Variants in ENOX1 observed in about 807,000 individuals in gnomAD.
ENOX1 encodes the protein candidate growth-related and time keeping constitutive hydroquinone (NADH) oxidase.
A neutral mutation model predicts 82.5 loss-of-function variants in ENOX1; 42 were observed. The ratio of observed to expected loss-of-function variants is 0.51; its 90% CI spans 0.40 to 0.66. The LOEUF is 0.66. ENOX1 is among the 30% of genes least tolerant of loss of function. The probability of loss-of-function intolerance (pLI) is 0.00; values close to 1 mark genes in which losing one functional copy is unlikely to be tolerated. For synonymous variants in ENOX1, 271 were observed against 282.2 expected (o/e 0.96, Z 0.40); for missense variants, 608 against 811.6 (o/e 0.75, Z 3.05).
At chr13:43,410,113 T>C (rs1308581376) in intron 5 of ENOX1, among the ~76,000 whole-genome samples, 1 of 152,200 alleles carries the variant, frequency 6.6e-6, no homozygotes, top group Admixed American at 6.5e-5. Flanking sequence ...TGGTCATGGT[T>C]AAAACGTCAG....
intron 2 of ENOX1, among the ~76,000 whole-genome samples, chr13:43,633,067 G>A (rs2153751605): frequency 6.6e-6 from 1 of 152,206 alleles, no homozygotes; most frequent in African/African-American, 2.4e-5. Flanking sequence ...GACAATTCAA[G>A]TTTCAAAATT....
chr13:43,294,625 G>A (rs767842915), intron 12 of ENOX1, among the ~76,000 whole-genome samples: 5 of 152,094 alleles, frequency 3.3e-5, no homozygotes, highest in Non-Finnish European at 7.4e-5. Context: ...CACATTCCTA[G>A]GATTTACTCA....
chr13:43,283,040 G>A (rs896753782), intron 12 of ENOX1, among the ~76,000 whole-genome samples: 3 of 151,618 alleles, frequency 2.0e-5, no homozygotes, highest in African/African-American at 4.8e-5. Context: ...CCGAGATCAC[G>A]CCACTGCATT....
intron 2 of ENOX1, among the ~76,000 whole-genome samples, chr13:43,644,112 A>T (rs2153770551): frequency 6.6e-6 from 1 of 152,260 alleles, no homozygotes; most frequent in African/African-American, 2.4e-5. Flanking sequence ...TCAGTTCCCG[A>T]TTTCCCATAA....
chr13:43,758,418 C>T (rs745699337), intron 1 of ENOX1, among the ~76,000 whole-genome samples: 4 of 152,026 alleles, frequency 2.6e-5, no homozygotes, highest in South Asian at 2.1e-4. Context: ...ACATTCTTGA[C>T]ATGACAAAAT....
intron 14 of ENOX1, among the ~76,000 whole-genome samples, chr13:43,251,415 T>C (rs2043448272): frequency 6.6e-6 from 1 of 152,208 alleles, no homozygotes; most frequent in South Asian, 2.1e-4. Context: ...TCGATGAGTG[T>C]TACTAATGTA....
intron 3 of ENOX1, among the ~76,000 whole-genome samples, chr13:43,422,265 A>G (rs911259256): frequency 6.6e-6 from 1 of 152,184 alleles, no homozygotes; most frequent in Non-Finnish European, 1.5e-5. Flanking sequence ...TCCTTTTGTG[A>G]GACTTCTTGC....
chr13:43,280,645 T>C (rs1415307796), intron 12 of ENOX1, among the ~76,000 whole-genome samples: 1 of 152,256 alleles, frequency 6.6e-6, no homozygotes, highest in Non-Finnish European at 1.5e-5. Flanking sequence ...TGGAAAACTT[T>C]ATTATGGATT....
chr13:43,590,958 T>C (rs570700701), intron 2 of ENOX1, among the ~76,000 whole-genome samples: 2 of 152,308 alleles, frequency 1.3e-5, no homozygotes, highest in South Asian at 4.1e-4. Flanking sequence ...GGAGGTATCA[T>C]TTGATACTCA....
intron 1 of ENOX1, among the ~76,000 whole-genome samples, chr13:43,719,302 TAC>T (rs3024232): frequency 0.045 from 5,733 of 126,656 alleles, 202 homozygotes; most frequent in East Asian, 0.18. Context: ...TTCATTCAAA[TAC>T]ACACACACAC....
chr13:43,628,292 A>G (rs1027044278), intron 2 of ENOX1, among the ~76,000 whole-genome samples: 3 of 152,010 alleles, frequency 2.0e-5, no homozygotes, highest in African/African-American at 7.2e-5. Context: ...TTATTTGCTT[A>G]TCATTATTCT....
chr13:43,360,540 C>A (rs2050434141), intron 6 of ENOX1, among the ~76,000 whole-genome samples: 1 of 152,046 alleles, frequency 6.6e-6, no homozygotes, highest in Non-Finnish European at 1.5e-5. Flanking sequence ...CTGAAAAAAA[C>A]CACTTTGTTA....
intron 2 of ENOX1, among the ~76,000 whole-genome samples, chr13:43,565,910 C>T (rs549142373): frequency 2.0e-5 from 3 of 152,260 alleles, no homozygotes; most frequent in African/African-American, 7.2e-5. Flanking sequence ...AACAGATCCA[C>T]TGATGGATAG....
rs75785636 is a variant in ENOX1 at position 43,364,012 on chromosome 13, T to G, written c.209-2560A>C. Among the ~76,000 whole-genome samples, 1,222 of 152,270 alleles carry G rather than the reference T, an allele frequency of 8.0e-3. 9 individuals carry two copies. Among genetic ancestry groups the G allele is most frequent in the Non-Finnish European group, 0.012 (832 of 68,022 alleles). On this transcript the variant is annotated intron_variant, in intron 5 of 16. Transcript: ENST00000690772. ...AAAGGAATTAACACGTAAATTATGTTGGACCTGAAAGGATTGGAGATTCAG... is the reference window on the plus strand; with the variant it reads ...AAAGGAATTAACACGTAAATTATGTGGGACCTGAAAGGATTGGAGATTCAG...
chr13:43,754,254 T>C (rs1032099329), intron 1 of ENOX1, among the ~76,000 whole-genome samples: 2 of 145,676 alleles, frequency 1.4e-5, no homozygotes, highest in African/African-American at 5.2e-5. Context: ...TATACACATA[T>C]ATACATATAT....
At chr13:43,334,730 AG>A (rs2048603186) in intron 9 of ENOX1, among the ~76,000 whole-genome samples, 1 of 152,208 alleles carries the variant, frequency 6.6e-6, no homozygotes, top group East Asian at 1.9e-4. Context: ...CTGGAAAAAA[AG>A]TCCCTACTTT....
At chr13:43,327,867 A>G (rs2048202812) in intron 9 of ENOX1, among the ~76,000 whole-genome samples, 1 of 152,224 alleles carries the variant, frequency 6.6e-6, no homozygotes, top group Non-Finnish European at 1.5e-5. Context: ...TTCTATGCTG[A>G]TGAACAACTA....
At chr13:43,392,651 C>T (rs547915663) in intron 5 of ENOX1, among the ~76,000 whole-genome samples, 13 of 152,220 alleles carry the variant, frequency 8.5e-5, no homozygotes, top group African/African-American at 1.9e-4. Context: ...GCCAAGATCA[C>T]GCCATTGCAC....
intron 1 of ENOX1, among the ~76,000 whole-genome samples, chr13:43,785,527 A>C (rs1952519973): frequency 6.6e-6 from 1 of 152,214 alleles, no homozygotes; most frequent in South Asian, 2.1e-4. Flanking sequence ...AAACAAATGC[A>C]ATCTTAACAA....
Sources: allele counts gnomAD v4.1 joint callset (sites outside exome capture counted in the v4.1 genomes callset), GRCh38; gene constraint gnomAD v4.1.1; transcripts MANE v1.5; gene names NCBI Gene and HGNC (gene_info 2026-07-23, HGNC 2026-07-21).